Variants in OSBPL1A observed in about 807,000 individuals in gnomAD.
The protein encoded by OSBPL1A is oxysterol binding protein like 1A, also known as oxysterol-binding protein-related protein 1.
OSBPL1A carries 80 observed loss-of-function variants against 137.1 expected under a neutral mutation model. The observed-to-expected ratio is 0.58, with a 90% confidence interval of 0.49 to 0.70. The LOEUF is 0.70. Ranked by LOEUF, OSBPL1A falls within the 30% of genes least tolerant of loss-of-function variation. The pLI, the probability that OSBPL1A is intolerant of heterozygous loss-of-function variation, is 0.00. For synonymous variants in OSBPL1A, 365 were observed against 389.7 expected, an observed-to-expected ratio of 0.94 and a Z score of 0.75; for missense variants, 970 against 1,129.4, an observed-to-expected ratio of 0.86 and a Z score of 2.02.
chr18:24,376,651 T>C (rs1906168164), intron 2 of OSBPL1A, among the ~76,000 whole-genome samples: 2 of 152,198 alleles, frequency 1.3e-5, no homozygotes, highest in African/African-American at 2.4e-5. Flanking sequence ...TCGAGGAGGC[T>C]TGGGCCGCAC....
At chr18:24,390,392 ATTTAGCC>A (rs1330869998) in intron 1 of OSBPL1A, among the ~76,000 whole-genome samples, 2 of 152,200 alleles carry the variant, frequency 1.3e-5, no homozygotes, top group Admixed American at 1.3e-4. Context: ...AGGGAATATA[ATTTAGCC>A]TTTAAAAGGA....
intron 1 of OSBPL1A, among the ~76,000 whole-genome samples, chr18:24,381,253 G>A (rs1599735930): frequency 6.6e-6 from 1 of 152,248 alleles, no homozygotes; most frequent in East Asian, 1.9e-4. Context: ...AAACATCAGG[G>A]GCAAAGGGGA....
At chr18:24,353,233 C>T (rs1303999349) in intron 4 of OSBPL1A, among the ~76,000 whole-genome samples, 3 of 152,090 alleles carry the variant, frequency 2.0e-5, no homozygotes, top group Admixed American at 2.0e-4. Context: ...AAAAAACAAA[C>T]AACCCCATCA....
At chr18:24,220,645 A>T (rs114630545) in intron 17 of OSBPL1A, among the ~76,000 whole-genome samples, 1 of 152,088 alleles carries the variant, frequency 6.6e-6, no homozygotes, top group African/African-American at 2.4e-5. Flanking sequence ...TGGTCACTAC[A>T]TGATGAGGAA....
intron 25 of OSBPL1A, among the ~76,000 whole-genome samples, 164 bp downstream of exon 25, chr18:24,167,165 C>T (rs948495865): frequency 3.9e-5 from 6 of 152,184 alleles, no homozygotes; most frequent in Non-Finnish European, 5.9e-5. Context: ...GCACTTACGA[C>T]GCGCTGAGCT....
intron 21 of OSBPL1A, among the ~76,000 whole-genome samples, chr18:24,177,216 G>A (rs938284846): frequency 1.3e-5 from 2 of 152,158 alleles, no homozygotes; most frequent in Non-Finnish European, 2.9e-5. Flanking sequence ...TTGGGGCAAG[G>A]CTGTGAGACA....
At chr18:24,322,841 T>C (rs2090890571) in intron 7 of OSBPL1A, among the ~76,000 whole-genome samples, 1 of 152,092 alleles carries the variant, frequency 6.6e-6, no homozygotes, top group African/African-American at 2.4e-5. Context: ...CTAAATGAAA[T>C]AGCCTCCTAG....
At chr18:24,252,805 A>T (rs1723452026) in intron 15 of OSBPL1A, among the ~76,000 whole-genome samples, 2 of 152,212 alleles carry the variant, frequency 1.3e-5, no homozygotes, top group African/African-American at 4.8e-5. Flanking sequence ...AAGGAACAAA[A>T]GAAGGTAAAA....
intron 15 of OSBPL1A, among the ~76,000 whole-genome samples, chr18:24,244,009 T>C (rs1252203835): frequency 6.6e-6 from 1 of 152,226 alleles, no homozygotes; most frequent in Admixed American, 6.5e-5. Flanking sequence ...CCAGATCCTC[T>C]ACAGTCTCCA....
intron 18 of OSBPL1A, among the ~76,000 whole-genome samples, chr18:24,185,207 C>T (rs1177350032): frequency 3.3e-5 from 5 of 152,050 alleles, no homozygotes; most frequent in African/African-American, 7.2e-5. Flanking sequence ...TGAAAACACT[C>T]GGTGTGGTAC....
intron 1 of OSBPL1A, among the ~76,000 whole-genome samples, chr18:24,378,407 C>T (rs1378185869): frequency 6.6e-6 from 1 of 152,136 alleles, no homozygotes; most frequent in Non-Finnish European, 1.5e-5. Flanking sequence ...ATCAAATAAA[C>T]TTCAAAATTC....
intron 13 of OSBPL1A, chr18:24,311,344 A>T: frequency 2.7e-6 from 1 of 374,544 alleles, no homozygotes; most frequent in Non-Finnish European, 3.7e-6. Context: ...ATCATTCCAT[A>T]GTTCTAATTC....
At chr18:24,263,789 C>T (rs373381675) in intron 15 of OSBPL1A, among the ~76,000 whole-genome samples, 10 of 152,088 alleles carry the variant, frequency 6.6e-5, no homozygotes, top group African/African-American at 2.4e-4. Flanking sequence ...GCATGCGTCA[C>T]TGCACCTGGC....
intron 1 of OSBPL1A, among the ~76,000 whole-genome samples, chr18:24,397,271 C>A (rs957738740): frequency 1.3e-5 from 2 of 152,200 alleles, no homozygotes; most frequent in Non-Finnish European, 2.9e-5. Flanking sequence ...TGCATCAATC[C>A]TCCTCTTGTT....
intron 2 of OSBPL1A, among the ~76,000 whole-genome samples, chr18:24,368,850 T>A (rs1201483062): frequency 6.6e-6 from 1 of 152,202 alleles, no homozygotes; most frequent in East Asian, 1.9e-4. Flanking sequence ...CTGCAGCACC[T>A]GTGATGTGGT....
At chr18:24,278,084 A>T (rs963515125) in intron 15 of OSBPL1A, among the ~76,000 whole-genome samples, 1 of 152,192 alleles carries the variant, frequency 6.6e-6, no homozygotes, top group Non-Finnish European at 1.5e-5. Flanking sequence ...AGTTGGAGAA[A>T]AGTTAGAGAA....
intron 15 of OSBPL1A, among the ~76,000 whole-genome samples, chr18:24,243,126 C>T (rs1244227566): frequency 2.0e-5 from 3 of 152,086 alleles, no homozygotes; most frequent in Non-Finnish European, 4.4e-5. Flanking sequence ...CTGCAGAAGG[C>T]TGAGGCAGAA....
chr18:24,170,684 T>C (rs1465584067), intron 23 of OSBPL1A: 1 of 482,174 alleles, frequency 2.1e-6, no homozygotes, highest in African/African-American at 2.0e-5. Flanking sequence ...TCTCACTCTG[T>C]TACTCAGGCT....
chr18:24,336,412 A>G (rs1352916933), intron 5 of OSBPL1A, among the ~76,000 whole-genome samples: 1 of 152,146 alleles, frequency 6.6e-6, no homozygotes, highest in African/African-American at 2.4e-5. Context: ...GGACACTGAA[A>G]TAAAACTGCT....
Sources: gnomAD v4.1 joint callset for allele counts (sites outside exome capture counted in the v4.1 genomes callset) on GRCh38, gnomAD v4.1.1 for gene constraint, MANE v1.5 for transcripts, NCBI Gene and HGNC (gene_info 2026-07-23, HGNC 2026-07-21) for gene names.